Variants in PTH2R observed in about 807,000 individuals in gnomAD.
PTH2R encodes PTH2 receptor.
Under a neutral mutation model 60.3 loss-of-function variants are expected in PTH2R, and 59 were observed. The ratio of observed to expected loss-of-function variants is 0.98; its 90% CI spans 0.79 to 1.22. The LOEUF (loss-of-function observed/expected upper bound fraction) is 1.22, where lower values mean the gene tolerates loss of function less well. PTH2R is among the 50% of genes most tolerant of loss of function. PTH2R has a pLI of 0.00. For missense variants in PTH2R, 749 were observed against 682.6 expected, an observed-to-expected ratio of 1.10 and a Z score of -1.08; for synonymous variants, 256 against 243.8, an observed-to-expected ratio of 1.05 and a Z score of -0.47.
Position 208,493,368 on chromosome 2 carries a change from C to A in PTH2R, c.1362C>A (p.Thr454=). Residue 454 remains threonine (T), a synonymous_variant, in exon 13 of 13, where the codon ACC becomes ACA. Transcript: ENST00000272847. ...GSRRCGSVLT[T]VTHSTSSQSQ... ...GCAGATGCGGCTCAGTGCTCACCACCGTGACGCACAGCACCAGCAGCCAGT... is the reference window on the plus strand; with the variant it reads ...GCAGATGCGGCTCAGTGCTCACCACAGTGACGCACAGCACCAGCAGCCAGT... The A allele has an allele frequency of 6.2e-7, 1 of 1,605,492 alleles. No individual in the cohort carries two copies. The highest frequency in any genetic ancestry group is 8.5e-7 in the Non-Finnish European group (1 of 1,174,246).
At chr2:208,450,694 A>G in intron 7 of PTH2R, 55 bp from the exon 8 acceptor site, 9 of 1,570,390 alleles carry the variant, frequency 5.7e-6, no homozygotes, top group Non-Finnish European at 7.9e-6. Flanking sequence ...ATTTGAGGAA[A>G]AAACCTCCTT....
At chr2:208,461,372 T>C (rs1462397206) in intron 9 of PTH2R, among the ~76,000 whole-genome samples, 1 of 152,156 alleles carries the variant, frequency 6.6e-6, no homozygotes, top group Non-Finnish European at 1.5e-5. Context: ...AGATTTCCCT[T>C]TCACTCATTG....
chr2:208,458,321 C>A (rs1232306043), intron 8 of PTH2R, among the ~76,000 whole-genome samples: 1 of 151,834 alleles, frequency 6.6e-6, no homozygotes, highest in African/African-American at 2.4e-5. Context: ...AGGGAAGCAC[C>A]AAATATAAAA....
At chr2:208,420,783 C>A (rs1004091833) in intron 1 of PTH2R, among the ~76,000 whole-genome samples, 1 of 152,158 alleles carries the variant, frequency 6.6e-6, no homozygotes, top group Non-Finnish European at 1.5e-5. Context: ...CTGTCTTATG[C>A]AGATTCCATT....
intron 1 of PTH2R, among the ~76,000 whole-genome samples, chr2:208,416,952 A>C (rs944370676): frequency 2.0e-5 from 3 of 152,188 alleles, no homozygotes; most frequent in Non-Finnish European, 4.4e-5. Context: ...TTAATACTTA[A>C]TAAACTCCCC....
chr2:208,366,490 A>G (rs1334989529), intron 1 of PTH2R, among the ~76,000 whole-genome samples: 1 of 152,136 alleles, frequency 6.6e-6, no homozygotes, highest in African/African-American at 2.4e-5. Flanking sequence ...TTGCTAGTAA[A>G]GAAAGAAGGG....
In PTH2R at chr2:208,444,890, A is replaced by T. The variant is rs1007288810; in HGVS notation, c.853+3A>T. 4 of 1,611,636 alleles carry T rather than the reference A, an allele frequency of 2.5e-6. No individual in the cohort carries two copies. Among genetic ancestry groups the T allele is most frequent in the Non-Finnish European group, 3.4e-6 (4 of 1,178,724 alleles). The stretch of plus-strand genomic sequence containing the variant: ...GGGCTTCATCTTGATAGGCTGGGGT[A>T]AGACATTTATATCTCTGTTCCTTTC... On this transcript the variant is annotated splice_donor_region_variant and intron_variant, in intron 7 of 12. Coordinates refer to ENST00000272847, the MANE Select transcript of PTH2R (RefSeq NM_005048.4).
intron 1 of PTH2R, among the ~76,000 whole-genome samples, chr2:208,420,007 C>T (rs1386001981): frequency 1.3e-5 from 2 of 152,138 alleles, no homozygotes; most frequent in African/African-American, 2.4e-5. Flanking sequence ...AAGCTGGAAA[C>T]CATCATTCTC....
At chr2:208,394,466 G>C (rs1055850316) in intron 1 of PTH2R, among the ~76,000 whole-genome samples, 4 of 152,194 alleles carry the variant, frequency 2.6e-5, no homozygotes, top group Non-Finnish European at 2.9e-5. Flanking sequence ...TCTCTCCCTG[G>C]TTCCTGGATC....
chr2:208,423,593 A>G (rs1276328429), intron 1 of PTH2R, among the ~76,000 whole-genome samples: 2 of 152,212 alleles, frequency 1.3e-5, no homozygotes, highest in Non-Finnish European at 2.9e-5. Context: ...CGTTCAGTAA[A>G]TGTCTATTAG....
At chr2:208,417,954 C>A (rs766236570) in intron 1 of PTH2R, among the ~76,000 whole-genome samples, 1 of 152,028 alleles carries the variant, frequency 6.6e-6, no homozygotes, top group Non-Finnish European at 1.5e-5. Flanking sequence ...TGGCTTTATT[C>A]TGTTGATTCT....
chr2:208,381,529 C>T (rs1051914588), intron 1 of PTH2R, among the ~76,000 whole-genome samples: 6 of 152,094 alleles, frequency 3.9e-5, no homozygotes, highest in African/African-American at 1.5e-4. Flanking sequence ...CTTAAGTGAT[C>T]CTCCTGCCTC....
chr2:208,437,546 G>C lies in PTH2R; in HGVS notation c.188G>C (p.Cys63Ser). 6.3e-7 allele frequency: 1 copy of C among 1,598,674 alleles called. No homozygotes were observed. Among genetic ancestry groups the C allele is most frequent in the Non-Finnish European group, 8.5e-7 (1 of 1,173,238 alleles). The change falls in exon 3 of 13, where the codon TGT becomes TCT. Residue 63 changes from cysteine to serine, a missense_variant. Coordinates refer to ENST00000272847, the MANE Select transcript of PTH2R (RefSeq NM_005048.4). ...TTTTTTTTCTCATTAGAAGGTAATT[G>C]TTTCCCTGAATGGGATGGACTCATT... is the stretch of plus-strand genomic sequence containing the variant. ...TAQLQEGEGN[C>S]FPEWDGLICW...
intron 9 of PTH2R, among the ~76,000 whole-genome samples, chr2:208,477,640 G>T (rs1703036468): frequency 6.6e-6 from 1 of 151,524 alleles, no homozygotes; most frequent in Non-Finnish European, 1.5e-5. Context: ...AAAATAATTT[G>T]ATTTCTATAT....
chr2:208,437,076 A>G (rs149242264), intron 2 of PTH2R, among the ~76,000 whole-genome samples: 3 of 152,302 alleles, frequency 2.0e-5, no homozygotes, highest in African/African-American at 4.8e-5. Flanking sequence ...AGACTCAAGG[A>G]GAAGTACTGG....
chr2:208,381,431 T>A (rs948680524), intron 1 of PTH2R, among the ~76,000 whole-genome samples: 2 of 152,136 alleles, frequency 1.3e-5, no homozygotes, highest in Non-Finnish European at 2.9e-5. Context: ...CTTAAATTTT[T>A]ATTTCTAGAC....
chr2:208,372,643 CA>C (rs1468457235), intron 1 of PTH2R, among the ~76,000 whole-genome samples: 6 of 151,860 alleles, frequency 4.0e-5, no homozygotes, highest in Admixed American at 1.3e-4. Context: ...AACTAAAAAA[CA>C]TATTTGAAAT....
At position 208,481,136 on chromosome 2, in the gene PTH2R, G is replaced by A. The variant is rs763353751; in HGVS notation, c.1048G>A (p.Val350Ile). ...TACCAAAATCTGGGAGACCAATGCA[G>A]TTGGGCATGACACAAGGAAGCAATA... ...LATKIWETNA[V>I]GHDTRKQYRK... The change falls in exon 10 of 13, where the codon GTT (valine) becomes ATT (isoleucine). Residue 350 changes from valine to isoleucine, a missense_variant. Val to Ile is a conservative substitution (Grantham distance 29, BLOSUM62 3). Transcript: ENST00000272847. 3 of 1,610,564 alleles carry A rather than the reference G, an allele frequency of 1.9e-6. No homozygotes were observed. In the South Asian group the frequency reaches 3.3e-5, roughly 18 times the overall value.
chr2:208,463,663 T>A (rs1702677201), intron 9 of PTH2R, among the ~76,000 whole-genome samples: 1 of 152,210 alleles, frequency 6.6e-6, no homozygotes. Flanking sequence ...CACGTGTTAA[T>A]AACTTGCCCA....
Sources: gnomAD v4.1 joint callset for allele counts (sites outside exome capture counted in the v4.1 genomes callset) on GRCh38, gnomAD v4.1.1 for gene constraint, MANE v1.5 for transcripts, NCBI Gene and HGNC (gene_info 2026-07-23, HGNC 2026-07-21) for gene names.